Variants in NRG1 observed in about 807,000 individuals in gnomAD.
The protein encoded by NRG1 is pro-neuregulin-1, membrane-bound isoform.
A neutral mutation model predicts 63.8 loss-of-function variants in NRG1; 18 were observed. The ratio of observed to expected loss-of-function variants is 0.28; its 90% CI spans 0.19 to 0.42. The LOEUF (loss-of-function observed/expected upper bound fraction) is 0.42, where lower values mean the gene tolerates loss of function less well. NRG1 is among the 10% of genes least tolerant of loss of function. NRG1 has a pLI of 1.00. For synonymous variants in NRG1, 302 were observed against 301.3 expected (o/e 1.00, Z -0.02); for missense variants, 762 against 814.7 (o/e 0.94, Z 0.79).
intron 1 of NRG1, among the ~76,000 whole-genome samples, chr8:31,691,926 G>A (rs1408965195): frequency 1.3e-5 from 2 of 152,018 alleles, no homozygotes; most frequent in Admixed American, 6.6e-5. Flanking sequence ...TCGACCTCCT[G>A]GGCTCAAGGA....
chr8:32,772,041 GTATATATATATA>G (rs1157977487), downstream of NRG1, among the ~76,000 whole-genome samples: 124 of 10,554 alleles, frequency 0.012, 7 homozygotes, highest in African/African-American at 0.035. Context: ...AAAAAAATAT[GTATATATATATA>G]TATATATATA....
At chr8:32,122,261 C>A (rs1833541333) in intron 1 of NRG1, among the ~76,000 whole-genome samples, 1 of 151,804 alleles carries the variant, frequency 6.6e-6, no homozygotes, top group African/African-American at 2.4e-5. Context: ...TGCTCTCTTG[C>A]TCTAAGCTAC....
chr8:31,891,553 A>T (rs1831146436), intron 1 of NRG1, among the ~76,000 whole-genome samples: 1 of 152,194 alleles, frequency 6.6e-6, no homozygotes, highest in Non-Finnish European at 1.5e-5. Flanking sequence ...AATGTAAAAT[A>T]GTACAGCCCA....
chr8:31,739,799 T>C (rs1586057013), intron 1 of NRG1, among the ~76,000 whole-genome samples: 1 of 152,184 alleles, frequency 6.6e-6, no homozygotes, highest in East Asian at 1.9e-4. Flanking sequence ...TTCTAGCTAT[T>C]TTTTTTCTTT....
chr8:31,880,969 T>G (rs1830304311), intron 1 of NRG1, among the ~76,000 whole-genome samples: 1 of 152,196 alleles, frequency 6.6e-6, no homozygotes, highest in South Asian at 2.1e-4. Context: ...AAAATTTAGT[T>G]GATAGAAGGG....
chr8:32,475,324 G>T (rs1824376938), intron 1 of NRG1, among the ~76,000 whole-genome samples: 1 of 151,884 alleles, frequency 6.6e-6, no homozygotes, highest in South Asian at 2.1e-4. Flanking sequence ...AATTAGCTGG[G>T]TGTGGTGGGG....
chr8:32,706,928 T>C (rs1034889664), intron 5 of NRG1, among the ~76,000 whole-genome samples: 4 of 152,150 alleles, frequency 2.6e-5, no homozygotes, highest in African/African-American at 9.6e-5. Context: ...AGATAAATGC[T>C]ATTTAATTTT....
intron 1 of NRG1, among the ~76,000 whole-genome samples, chr8:32,353,481 A>G (rs1805915776): frequency 6.6e-6 from 1 of 152,102 alleles, no homozygotes; most frequent in Non-Finnish European, 1.5e-5. Flanking sequence ...TGTAATTAAT[A>G]TAAAGAAGAT....
intron 1 of NRG1, among the ~76,000 whole-genome samples, chr8:32,038,631 T>C (rs1819453966): frequency 6.6e-6 from 1 of 152,170 alleles, no homozygotes; most frequent in African/African-American, 2.4e-5. Flanking sequence ...CCTGTATAGT[T>C]CTCTATTTTT....
At chr8:32,616,956 C>T in intron 5 of NRG1, 71 bp downstream of exon 5, 1 of 1,119,142 alleles carries the variant, frequency 8.9e-7, no homozygotes, top group South Asian at 1.2e-5. Flanking sequence ...AGGTCATGTT[C>T]ACGTCTATCT....
chr8:32,670,306 A>T (rs750177801), intron 5 of NRG1, among the ~76,000 whole-genome samples: 1 of 152,154 alleles, frequency 6.6e-6, no homozygotes, highest in Non-Finnish European at 1.5e-5. Context: ...AAAGAGAGAG[A>T]GGAAGTTTTG....
chr8:31,885,164 A>C (rs969881452), intron 1 of NRG1, among the ~76,000 whole-genome samples: 7 of 152,172 alleles, frequency 4.6e-5, no homozygotes, highest in African/African-American at 1.4e-4. Context: ...GCAATTATCA[A>C]ATCAGAAATG....
intron 1 of NRG1, among the ~76,000 whole-genome samples, chr8:32,150,430 G>T (rs1285124127): frequency 2.0e-5 from 3 of 152,092 alleles, no homozygotes; most frequent in African/African-American, 7.2e-5. Context: ...AAGTCATGAG[G>T]GGTTCTCCAT....
At chr8:32,018,621 A>G (rs1414796667) in intron 1 of NRG1, among the ~76,000 whole-genome samples, 1 of 152,108 alleles carries the variant, frequency 6.6e-6, no homozygotes, top group Non-Finnish European at 1.5e-5. Flanking sequence ...ATCTTCTTTT[A>G]TATTCCACTA....
intron 1 of NRG1, among the ~76,000 whole-genome samples, chr8:32,529,196 A>G (rs545971406): frequency 6.6e-6 from 1 of 152,358 alleles, no homozygotes; most frequent in South Asian, 2.1e-4. Context: ...ACACAAAGGT[A>G]TTTATGCATC....
intron 1 of NRG1, among the ~76,000 whole-genome samples, chr8:31,731,326 TATC>T (rs1814028413): frequency 6.6e-6 from 1 of 152,056 alleles, no homozygotes; most frequent in Non-Finnish European, 1.5e-5. Flanking sequence ...TTTAAGAAGA[TATC>T]ATGAAACTAT....
chr8:32,112,314 G>T (rs912752404), intron 1 of NRG1, among the ~76,000 whole-genome samples: 8 of 152,184 alleles, frequency 5.3e-5, no homozygotes, highest in Non-Finnish European at 1.0e-4. Flanking sequence ...AGAAAGTGAG[G>T]CTATGAAGGT....
At chr8:32,629,328 T>C (rs938937675) in intron 5 of NRG1, among the ~76,000 whole-genome samples, 1 of 152,186 alleles carries the variant, frequency 6.6e-6, no homozygotes, top group African/African-American at 2.4e-5. Context: ...TCCATAGTGA[T>C]GTGCACATCA....
chr8:32,321,797 A>G (rs1801421152), intron 1 of NRG1, among the ~76,000 whole-genome samples: 1 of 151,830 alleles, frequency 6.6e-6, no homozygotes, highest in Non-Finnish European at 1.5e-5. Flanking sequence ...AAAGTCATGG[A>G]TTTCTTGATG....
Sources: gnomAD v4.1 joint callset for allele counts (sites outside exome capture counted in the v4.1 genomes callset) on GRCh38, gnomAD v4.1.1 for gene constraint, MANE v1.5 for transcripts, NCBI Gene and HGNC (gene_info 2026-07-23, HGNC 2026-07-21) for gene names.